Variants in SLC25A30 observed in about 807,000 individuals in gnomAD.
SLC25A30 encodes kidney mitochondrial carrier protein 1.
Under a neutral mutation model 42.7 loss-of-function variants are expected in SLC25A30, and 29 were observed. The ratio of observed to expected loss-of-function variants is 0.68; its 90% CI spans 0.51 to 0.93. The LOEUF (loss-of-function observed/expected upper bound fraction) is 0.93, where lower values mean the gene tolerates loss of function less well. Among genes scored for constraint, SLC25A30 ranks in the 40% least tolerant of loss-of-function variants. The probability of loss-of-function intolerance (pLI) is 0.00; values close to 1 mark genes in which losing one functional copy is unlikely to be tolerated. For synonymous variants in SLC25A30, 124 were observed against 131.0 expected, an observed-to-expected ratio of 0.95 and a Z score of 0.37; for missense variants, 300 against 359.7, an observed-to-expected ratio of 0.83 and a Z score of 1.34.
the SLC25A30 span, among the ~76,000 whole-genome samples, chr13:45,425,536 AAG>A: frequency 8.8e-5 from 6 of 68,460 alleles, 1 homozygote; most frequent in South Asian, 9.5e-4. Context: ...AAATATGTAT[AAG>A]TATATATATA....
upstream of SLC25A30, among the ~76,000 whole-genome samples, chr13:45,423,199 G>A (rs1453523563): frequency 6.6e-6 from 1 of 151,908 alleles, no homozygotes; most frequent in East Asian, 1.9e-4. Context: ...CAGAGGTCAG[G>A]ATGGAGGCTT....
chr13:45,410,247 T>C (rs148528866), intron 2 of SLC25A30, among the ~76,000 whole-genome samples: 81 of 152,310 alleles, frequency 5.3e-4, no homozygotes, highest in Admixed American at 7.8e-4. Context: ...ACTAGATAAC[T>C]ACAGTCCATC....
At position 45,399,228 on chromosome 13, in the gene SLC25A30, C is replaced by T. The variant is rs1030155977; in HGVS notation, c.615-150G>A. 3.9e-5 allele frequency: 34 copies of T among 869,320 alleles called. No homozygotes were observed. The East Asian group carries it at 5.4e-4, about 14-fold the overall frequency. 53.9% of individuals were successfully genotyped at this position (869,320 alleles called of 1,614,324 possible). On this transcript the variant is annotated intron_variant, in intron 7 of 9. Coordinates refer to ENST00000519676, the MANE Select transcript of SLC25A30 (RefSeq NM_001010875.4). ...GTTTTGTTTTGTTTTGTTTTTGAGA[C>T]GAAGTCTTGCTCTGTTGCCCAGGCT...
At position 45,404,320 on chromosome 13, in the gene SLC25A30, A is replaced by G; in HGVS notation, c.393+7T>C. 1 of 1,599,068 alleles carries G rather than the reference A, an allele frequency of 6.3e-7. No individual in the cohort carries two copies. The highest frequency in any genetic ancestry group is 8.6e-7 in the Non-Finnish European group (1 of 1,166,478). On this transcript the variant is annotated splice_region_variant and intron_variant, in intron 5 of 9. Transcript: ENST00000519676. Reference sequence around the variant, plus strand: ...TGTGCCTATAAGATATAGATAGCACAGCTTACTTTCAAAACATCAGTTGGA... The same window carrying G: ...TGTGCCTATAAGATATAGATAGCACGGCTTACTTTCAAAACATCAGTTGGA...
the SLC25A30 span, among the ~76,000 whole-genome samples, chr13:45,432,681 A>G: frequency 6.6e-6 from 1 of 151,948 alleles, no homozygotes; most frequent in South Asian, 2.1e-4. Context: ...CTTACTAATT[A>G]TTATGGCCAG....
At chr13:45,425,060 A>ATGT in the SLC25A30 span, among the ~76,000 whole-genome samples, 6 of 36,908 alleles carry the variant, frequency 1.6e-4, no homozygotes, top group East Asian at 2.9e-3. Flanking sequence ...ATAAATATAT[A>ATGT]AGTATATATA....
At chr13:45,409,237 AT>A (rs1475960293) in intron 2 of SLC25A30, among the ~76,000 whole-genome samples, 163 bp from the exon 3 acceptor site, 1 of 152,216 alleles carries the variant, frequency 6.6e-6, no homozygotes, top group Non-Finnish European at 1.5e-5. Context: ...AAATTGAGGA[AT>A]CAAAAGATTA....
chr13:45,419,515 C>A (rs1883819959), upstream of SLC25A30, among the ~76,000 whole-genome samples: 1 of 150,114 alleles, frequency 6.7e-6, no homozygotes, highest in Admixed American at 6.6e-5. Flanking sequence ...GATGGGGTTT[C>A]TCCATATTGG....
At position 45,396,187 on chromosome 13, in the gene SLC25A30, A is replaced by G. The variant is rs963629130; in HGVS notation, c.835-172T>C. On this transcript the variant is annotated intron_variant, in intron 9 of 9. Coordinates refer to ENST00000519676, the MANE Select transcript of SLC25A30 (RefSeq NM_001010875.4). ...CTTAACCACATCAAACTATCTTCCA[A>G]GGTCAGCTTGGAGCAGAAAGATCAC... 4.1e-6 allele frequency: 6 copies of G among 1,479,268 alleles called. No individual in the cohort carries two copies. The African/African-American group carries it at 7.1e-5, about 17-fold the overall frequency. The allele number at this position is 1,479,268 out of a possible 1,614,324, so 91.6% of individuals were successfully genotyped here.
chr13:45,405,280 G>C (rs906493777), intron 4 of SLC25A30, among the ~76,000 whole-genome samples: 3 of 152,208 alleles, frequency 2.0e-5, no homozygotes, highest in Admixed American at 1.3e-4. Flanking sequence ...AGCTATATCT[G>C]TTAGGACAAT....
At chr13:45,422,123 G>A (rs1387868673), upstream of SLC25A30, among the ~76,000 whole-genome samples, 1 of 152,102 alleles carries the variant, frequency 6.6e-6, no homozygotes, top group African/African-American at 2.4e-5. Context: ...GCAATTGTGT[G>A]TGCACTATAT....
intron 7 of SLC25A30, among the ~76,000 whole-genome samples, chr13:45,400,170 C>T (rs566103806): frequency 6.6e-6 from 1 of 151,736 alleles, no homozygotes; most frequent in Non-Finnish European, 1.5e-5. Context: ...ACCTGTAATC[C>T]CAGCACTTTG....
At chr13:45,409,771 C>G (rs2137674993) in intron 2 of SLC25A30, among the ~76,000 whole-genome samples, 1 of 152,248 alleles carries the variant, frequency 6.6e-6, no homozygotes, top group East Asian at 1.9e-4. Flanking sequence ...ATCACGTCAC[C>G]ATACTCCAGA....
rs111515587 is a variant in SLC25A30, at chr13:45,410,770, C to T, written c.64+592G>A. Reference sequence around the variant, plus strand: ...GAGGCTGGAGTGAGCCGAGATCAGACGACTGCACTCCAGCCTCAGCAACAG... The same window carrying T: ...GAGGCTGGAGTGAGCCGAGATCAGATGACTGCACTCCAGCCTCAGCAACAG... On this transcript the variant is annotated intron_variant, in intron 2 of 9. Coordinates refer to ENST00000519676, the MANE Select transcript of SLC25A30 (RefSeq NM_001010875.4). Among the ~76,000 whole-genome samples, 942 of 152,256 alleles carry T rather than the reference C, an allele frequency of 6.2e-3. 7 individuals are homozygous for T. The highest frequency in any genetic ancestry group is 0.022 in the African/African-American group (894 of 41,544).
In SLC25A30 at chr13:45,405,990, T is replaced by C. The variant is rs566561949; in HGVS notation, c.213-13A>G. On this transcript the variant is annotated splice_polypyrimidine_tract_variant and intron_variant, in intron 3 of 9. Transcript: ENST00000519676. ...CGCGGGGGCAATCCTGTTAAACCAA[T>C]GTACAAAGGGACAAAAGCAATCTAA... The C allele has an allele frequency of 1.9e-5, 30 of 1,613,516 alleles. 1 individual carries two copies. Among genetic ancestry groups the C allele is most frequent in the East Asian group, 1.3e-4 (6 of 44,868 alleles).
chr13:45,415,453 A>T (rs1883434265), intron 1 of SLC25A30, among the ~76,000 whole-genome samples: 1 of 152,104 alleles, frequency 6.6e-6, no homozygotes, highest in African/African-American at 2.4e-5. Context: ...TTTTATTTTT[A>T]AAAATGTTAG....
At chr13:45,422,485 C>A (rs753972687), upstream of SLC25A30, among the ~76,000 whole-genome samples, 2 of 152,100 alleles carry the variant, frequency 1.3e-5, no homozygotes, top group African/African-American at 2.4e-5. Context: ...CCATAAAATT[C>A]TTTATCATTA....
chr13:45,428,842 A>G, the SLC25A30 span, among the ~76,000 whole-genome samples: 1 of 134,272 alleles, frequency 7.4e-6, no homozygotes, highest in South Asian at 2.2e-4. Context: ...TTTAAAGCCT[A>G]ATTTGGGTGG....
At chr13:45,425,039 T>TAC in the SLC25A30 span, among the ~76,000 whole-genome samples, 15 of 92,094 alleles carry the variant, frequency 1.6e-4, no homozygotes, top group Non-Finnish European at 2.3e-4. Context: ...TATATAAGTA[T>TAC]ATATAAATAT....
Sources: allele counts gnomAD v4.1 joint callset (sites outside exome capture counted in the v4.1 genomes callset), GRCh38; gene constraint gnomAD v4.1.1; transcripts MANE v1.5; gene names NCBI Gene and HGNC (gene_info 2026-07-23, HGNC 2026-07-21).